Variants in PRKAR1B observed in about 807,000 individuals in gnomAD.
The protein encoded by PRKAR1B is protein kinase cAMP-dependent type I regulatory subunit beta.
Under a neutral mutation model 46.5 loss-of-function variants are expected in PRKAR1B, and 22 were observed. The observed-to-expected ratio is 0.47, with a 90% CI of 0.34 to 0.68. The LOEUF (loss-of-function observed/expected upper bound fraction) is 0.68, where lower values mean the gene tolerates loss of function less well. PRKAR1B is among the 30% of genes least tolerant of loss of function. PRKAR1B has a pLI of 0.01. For synonymous variants in PRKAR1B, 259 were observed against 217.7 expected, an observed-to-expected ratio of 1.19 and a Z score of -1.67; for missense variants, 445 against 535.6, an observed-to-expected ratio of 0.83 and a Z score of 1.67.
chr7:604,964 C>T (rs1036174295), intron 6 of PRKAR1B, among the ~76,000 whole-genome samples: 1 of 152,190 alleles, frequency 6.6e-6, no homozygotes, highest in African/African-American at 2.4e-5. Flanking sequence ...CCCAAAGCGT[C>T]CTGCACTGTG....
At chr7:598,649 A>G (rs1241232346) in intron 6 of PRKAR1B, among the ~76,000 whole-genome samples, 2 of 151,614 alleles carry the variant, frequency 1.3e-5, no homozygotes, top group Non-Finnish European at 2.9e-5. Flanking sequence ...ACTAAACACT[A>G]TCACCCTCCC....
chr7:639,413 C>G (rs1235958141), intron 4 of PRKAR1B, among the ~76,000 whole-genome samples: 3 of 152,186 alleles, frequency 2.0e-5, no homozygotes, highest in Non-Finnish European at 2.9e-5. Flanking sequence ...CTTACTCACT[C>G]CTCACACAGA....
At chr7:723,054 C>T (rs576604319) in intron 1 of PRKAR1B, among the ~76,000 whole-genome samples, 35 of 152,336 alleles carry the variant, frequency 2.3e-4, no homozygotes, top group Non-Finnish European at 4.3e-4. Flanking sequence ...CCTCCCTGGG[C>T]CGCCTGGTGT....
In PRKAR1B at chr7:613,194, G is replaced by C. The variant is rs141116646; in HGVS notation, c.441-5742C>G. On this transcript the variant is annotated intron_variant, in intron 4 of 10. Coordinates refer to ENST00000537384, the MANE Select transcript of PRKAR1B (RefSeq NM_001164760.2). ...GCTAATAGCAACTGTGGGGTGGAGA[G>C]GGGGTGGGGTTGGGGTCATTTTCAT... is the stretch of plus-strand genomic sequence containing the variant. 5.1e-4 allele frequency among the ~76,000 whole-genome samples: 77 copies of C among 151,648 alleles called. 1 individual carries two copies. The highest frequency in any genetic ancestry group is 3.5e-3 in the Middle Eastern group (1 of 288).
chr7:563,880 T>C (rs1437398485), intron 9 of PRKAR1B, among the ~76,000 whole-genome samples: 1 of 151,288 alleles, frequency 6.6e-6, no homozygotes, highest in East Asian at 1.9e-4. Context: ...GGGTTGTGGG[T>C]GTGTATATGT....
chr7:676,834 G>A (rs912351722), intron 4 of PRKAR1B, among the ~76,000 whole-genome samples: 1 of 149,442 alleles, frequency 6.7e-6, no homozygotes, highest in African/African-American at 2.5e-5. Context: ...CTCCCCGAGG[G>A]CAAGGAGGGT....
rs1370621940 is a variant in PRKAR1B at position 560,405 on chromosome 7, G to C, written c.892-8935C>G. The stretch of plus-strand genomic sequence containing the variant: ...TAATAATAATAAATATATTTTAAAA[G>C]AAACTTTGTATCACGACCATAAATG... On this transcript the variant is annotated intron_variant, in intron 9 of 10. Coordinates refer to ENST00000537384, the MANE Select transcript of PRKAR1B (RefSeq NM_001164760.2). The surrounding 1 kb of genome is among the most constrained non-coding windows in gnomAD (Gnocchi z 4.2). Among the ~76,000 whole-genome samples, 2 of 149,986 alleles carry C rather than the reference G, an allele frequency of 1.3e-5. No individual in the cohort carries two copies. The highest frequency in any genetic ancestry group is 2.0e-4 in the East Asian group (1 of 5,100).
intron 4 of PRKAR1B, among the ~76,000 whole-genome samples, chr7:656,373 ATGAC>A (rs781092729): frequency 6.6e-6 from 1 of 152,168 alleles, no homozygotes; most frequent in Non-Finnish European, 1.5e-5. Flanking sequence ...GAATGAATGG[ATGAC>A]TGACTAGATG....
rs1401671972 is a variant in PRKAR1B, at chr7:685,352, A to G, written c.178-4626T>C. ...CGTATATATACGTATATATATGTATACATATATATATACACATATATATAT... is the reference window on the plus strand; with the variant it reads ...CGTATATATACGTATATATATGTATGCATATATATATACACATATATATAT... On this transcript the variant is annotated intron_variant, in intron 2 of 10. Coordinates refer to ENST00000537384, the MANE Select transcript of PRKAR1B (RefSeq NM_001164760.2). Among the ~76,000 whole-genome samples the G allele has an allele frequency of 1.0e-4, 8 of 76,320 alleles. 2 individuals are homozygous for G. Among genetic ancestry groups the G allele is most frequent in the Admixed American group, 3.2e-4 (2 of 6,256 alleles). 50.1% of individuals were successfully genotyped at this position (76,320 alleles called of 152,430 possible). A position where few individuals can be genotyped will look rare whatever the true frequency, so the allele number is the denominator to read the frequency against.
intron 4 of PRKAR1B, among the ~76,000 whole-genome samples, chr7:651,465 C>A (rs898360824): frequency 6.6e-6 from 1 of 152,232 alleles, no homozygotes; most frequent in African/African-American, 2.4e-5. Flanking sequence ...ACACAGACTT[C>A]ACGTGTCAAC....
At chr7:562,248 C>A (rs540318450) in intron 9 of PRKAR1B, among the ~76,000 whole-genome samples, 1 of 27,346 alleles carries the variant, frequency 3.7e-5, no homozygotes, top group Admixed American at 5.6e-4. Flanking sequence ...GCCTGCCAGG[C>A]GGGGAGGTGG....
chr7:632,036 G>A (rs1448858060), intron 4 of PRKAR1B, among the ~76,000 whole-genome samples: 1 of 152,088 alleles, frequency 6.6e-6, no homozygotes, highest in African/African-American at 2.4e-5. Flanking sequence ...AGAGAAAAAG[G>A]CAACTGGCAC....
intron 9 of PRKAR1B, among the ~76,000 whole-genome samples, chr7:564,278 C>T (rs550591050): frequency 7.2e-5 from 11 of 152,298 alleles, no homozygotes; most frequent in South Asian, 2.1e-4. Context: ...CACAGGCCGC[C>T]GCCCCCAGCG....
Position 621,699 on chromosome 7 carries a change from C to T in PRKAR1B, c.441-14247G>A, listed in dbSNP as rs566073141. Among the ~76,000 whole-genome samples the T allele has an allele frequency of 2.0e-5, 3 of 152,330 alleles. No individual in the cohort carries two copies. The East Asian group carries it at 5.8e-4, about 29-fold the overall frequency. On this transcript the variant is annotated intron_variant, in intron 4 of 10. Coordinates refer to ENST00000537384, the MANE Select transcript of PRKAR1B (RefSeq NM_001164760.2). ...ATCCCCATGACAGATGCTTCCTGGC[C>T]ATCACCTCATCATGTGTGGTACAAG...
intron 4 of PRKAR1B, among the ~76,000 whole-genome samples, chr7:676,537 G>A (rs916050467): frequency 5.3e-5 from 8 of 152,362 alleles, no homozygotes; most frequent in Non-Finnish European, 1.0e-4. Flanking sequence ...TGCCTGCCTA[G>A]GTATAGCGCG....
chr7:706,344 T>C (rs1780321496), intron 2 of PRKAR1B, among the ~76,000 whole-genome samples: 1 of 113,228 alleles, frequency 8.8e-6, no homozygotes, highest in Non-Finnish European at 1.9e-5. Context: ...AGATTGATGG[T>C]GTCATTTTGG....
At chr7:576,590 A>G (rs547978790) in intron 9 of PRKAR1B, among the ~76,000 whole-genome samples, 1 of 151,796 alleles carries the variant, frequency 6.6e-6, no homozygotes, top group African/African-American at 2.4e-5. Context: ...GGGAACCCCA[A>G]ATCCACCGTG....
rs114373836 is a variant in PRKAR1B at position 713,116 on chromosome 7, C to T, written c.-22-1589G>A. 1,308 of 152,564 alleles carry T rather than the reference C, an allele frequency of 8.6e-3. 11 individuals carry two copies. Among genetic ancestry groups the T allele is most frequent in the Middle Eastern group, 0.03 (9 of 296 alleles). 9.5% of individuals were successfully genotyped at this position (152,564 alleles called of 1,614,324 possible). On this transcript the variant is annotated intron_variant, in intron 1 of 10. Coordinates refer to ENST00000537384, the MANE Select transcript of PRKAR1B (RefSeq NM_001164760.2). ...GGAGCCTCTTGGTGACGGTCCTAACCCACAAGCCCAGCCCTGCAGGAAAGG... is the reference window on the plus strand; with the variant it reads ...GGAGCCTCTTGGTGACGGTCCTAACTCACAAGCCCAGCCCTGCAGGAAAGG...
At chr7:620,017 CTTTTTTTT>C (rs71016891) in intron 4 of PRKAR1B, among the ~76,000 whole-genome samples, 62 of 130,998 alleles carry the variant, frequency 4.7e-4, no homozygotes, top group Non-Finnish European at 7.4e-4. Context: ...TACCCAGCTA[CTTTTTTTT>C]TTTTTTTTTT....
Sources: gnomAD v4.1 joint callset for allele counts (sites outside exome capture counted in the v4.1 genomes callset) on GRCh38, gnomAD v4.1.1 for gene constraint, Gnocchi (gnomAD v3.1) non-coding constraint, MANE v1.5 for transcripts, NCBI Gene and HGNC (gene_info 2026-07-23, HGNC 2026-07-21) for gene names.